AMDHD2: variants seen among roughly 807,000 people sequenced by gnomAD.
AMDHD2 encodes N-acetylglucosamine-6-phosphate deacetylase.
In AMDHD2, 24 loss-of-function variants were observed where a neutral mutation model predicts 41.8. The ratio of observed to expected loss-of-function variants is 0.57; its 90% confidence interval spans 0.42 to 0.81. AMDHD2 has a LOEUF of 0.81. AMDHD2 is among the 30% of genes least tolerant of loss of function. The pLI, the probability that AMDHD2 is intolerant of heterozygous loss-of-function variation, is 0.00. For synonymous variants in AMDHD2, 332 were observed against 255.5 expected, an observed-to-expected ratio of 1.30 and a Z score of -2.85; for missense variants, 540 against 588.5, an observed-to-expected ratio of 0.92 and a Z score of 0.85.
In AMDHD2 at chr16:2,521,864, G is replaced by A. The variant is rs541723067; in HGVS notation, c.360+741G>A. Among the ~76,000 whole-genome samples the A allele has an allele frequency of 1.2e-3, 180 of 146,006 alleles. 1 individual carries two copies. Among genetic ancestry groups the A allele is most frequent in the South Asian group, 2.2e-3 (10 of 4,628 alleles). ...AGTGGCACAATCTTGGCTCACTGCA[G>A]GCTCCGCCCCCCAGGGTTCACGCCA... On this transcript the variant is annotated intron_variant, in intron 3 of 10. Coordinates refer to ENST00000293971, the MANE Select transcript of AMDHD2 (RefSeq NM_001330449.2).
In AMDHD2 at chr16:2,521,111, G is replaced by A; in HGVS notation, c.348G>A (p.Glu116=). 1 of 1,585,908 alleles carries A rather than the reference G, an allele frequency of 6.3e-7. No homozygotes were observed. Among genetic ancestry groups the A allele is most frequent in the Non-Finnish European group, 8.6e-7 (1 of 1,160,892 alleles). ...CCACCCTGGTCACTTCCCCACCGGAGGTTTATCACAAGGTGAGGTGAGGCT... is the reference window on the plus strand; with the variant it reads ...CCACCCTGGTCACTTCCCCACCGGAAGTTTATCACAAGGTGAGGTGAGGCT... ...FCPTLVTSPP[E]VYHKVVPQIP... Residue 116 remains glutamate, a synonymous_variant, in exon 3 of 11, where the codon GAG becomes GAA. Transcript: ENST00000293971.
At position 2,530,913 on chromosome 16, in the gene AMDHD2, G is replaced by A. The variant is rs551569221; in HGVS notation, c.*1350G>A. 43 of 1,613,378 alleles carry A rather than the reference G, an allele frequency of 2.7e-5. No homozygotes were observed. The Admixed American group carries it at 2.8e-4, about 11-fold the overall frequency. ...TGCCTTGACGGCCGCGCACCCCTTA[G>A]GAAGTGGCTGTCCAGCGCCTGCCTG... On this transcript the variant is annotated 3_prime_UTR_variant, in exon 11 of 11. Coordinates refer to ENST00000293971, the MANE Select transcript of AMDHD2 (RefSeq NM_001330449.2).
At chr16:2,521,869 C>T (rs549973698) in intron 3 of AMDHD2, among the ~76,000 whole-genome samples, 6 of 151,044 alleles carry the variant, frequency 4.0e-5, no homozygotes, top group South Asian at 4.2e-4. Flanking sequence ...CTGCAGGCTC[C>T]GCCCCCCAGG....
In AMDHD2 at chr16:2,520,436, G is replaced by T; in HGVS notation, c.-23G>T. The T allele has an allele frequency of 1.6e-6, 2 of 1,227,112 alleles. No homozygotes were observed. The highest frequency in any genetic ancestry group is 2.0e-6 in the Non-Finnish European group (2 of 979,700). 76.0% of individuals were successfully genotyped at this position (1,227,112 alleles called of 1,614,324 possible). ...TTGGCCGCCGCGGGGCTCCGGAGCC[G>T]CTCGCTCCCGACACGGCTCACGATG... On this transcript the variant is annotated 5_prime_UTR_variant, in exon 1 of 11. Coordinates refer to ENST00000293971, the MANE Select transcript of AMDHD2 (RefSeq NM_001330449.2).
intron 3 of AMDHD2, among the ~76,000 whole-genome samples, chr16:2,522,608 C>A (rs1596991044): frequency 1.3e-5 from 2 of 151,704 alleles, no homozygotes; most frequent in Non-Finnish European, 2.9e-5. Flanking sequence ...ACCCAGGAGG[C>A]AGAGGTTGCA....
chr16:2,529,390 C>G lies in AMDHD2; in HGVS notation c.1142-85C>G. ...GTGTCCCTGGGCCTCAGTTTCCCCA[C>G]CAGCGTCGGGTTGTTGGGGAGCAGC... On this transcript the variant is annotated intron_variant, in intron 10 of 10. Coordinates refer to ENST00000293971, the MANE Select transcript of AMDHD2 (RefSeq NM_001330449.2). 2.5e-6 allele frequency: 4 copies of G among 1,577,402 alleles called. No homozygotes were observed. The South Asian group carries it at 4.5e-5, about 18-fold the overall frequency.
Position 2,531,016 on chromosome 16 carries a change from T to TA in AMDHD2, c.*1454dup. On this transcript the variant is annotated 3_prime_UTR_variant, in exon 11 of 11. Transcript: ENST00000293971. Reference sequence around the variant, plus strand: ...CAGGTGAGGTTCTCAGCCGATGTGTTAGAGGTTGAGCATCGCCTGTGCCCA... The same window carrying TA: ...CAGGTGAGGTTCTCAGCCGATGTGTTAAGAGGTTGAGCATCGCCTGTGCCCA... 6.2e-7 allele frequency: 1 copy of TA among 1,607,396 alleles called. No individual in the cohort carries two copies. The highest frequency in any genetic ancestry group is 8.5e-7 in the Non-Finnish European group (1 of 1,175,060).
At chr16:2,529,303 G>A (rs912703508) in intron 10 of AMDHD2, 172 bp from the exon 11 acceptor site, 3 of 1,159,030 alleles carry the variant, frequency 2.6e-6, no homozygotes, top group Admixed American at 4.6e-5. Context: ...GCAAGGGGTT[G>A]CAGGGAGCAT....
At position 2,528,979 on chromosome 16, in the gene AMDHD2, G is replaced by A; in HGVS notation, c.1040-15G>A. 1.3e-6 allele frequency: 2 copies of A among 1,564,890 alleles called. No individual in the cohort carries two copies. On this transcript the variant is annotated splice_polypyrimidine_tract_variant and intron_variant, in intron 9 of 10. Transcript: ENST00000293971. ...TGGGCTTGGGGACTGTCACCTAGCT[G>A]TGTCCCCCAAGCAGGCTGCAGCATG...
rs1239304288 is a variant in AMDHD2 at position 2,530,993 on chromosome 16, G to A, written c.*1430G>A. ...CAGGGCTCCCAGGCAGGGAGAGGCA[G>A]GTGAGGTTCTCAGCCGATGTGTTAG... On this transcript the variant is annotated 3_prime_UTR_variant, in exon 11 of 11. Coordinates refer to ENST00000293971, the MANE Select transcript of AMDHD2 (RefSeq NM_001330449.2). The A allele has an allele frequency of 3.7e-6, 6 of 1,613,204 alleles. No homozygotes were observed. The East Asian group carries it at 8.9e-5, about 24-fold the overall frequency.
rs765250393 is a variant in AMDHD2, at chr16:2,530,675, C to G, written c.*1112C>G. On this transcript the variant is annotated 3_prime_UTR_variant, in exon 11 of 11. Transcript: ENST00000293971. ...CCCAGTTAAGGAAATGTCTCCAGGT[C>G]CAAAGAGATAGGATGGTCTGGGCCC... The G allele has an allele frequency of 6.8e-6, 11 of 1,614,030 alleles. No individual in the cohort carries two copies. Among genetic ancestry groups the G allele is most frequent in the Non-Finnish European group, 9.3e-6 (11 of 1,180,030 alleles).
chr16:2,524,904 G>A (rs2065984321), intron 3 of AMDHD2, among the ~76,000 whole-genome samples: 1 of 151,404 alleles, frequency 6.6e-6, no homozygotes, highest in Admixed American at 6.6e-5. Context: ...ACCTGTGTAG[G>A]TCAGTCATCG....
chr16:2,522,031 G>A (rs937989117), intron 3 of AMDHD2, among the ~76,000 whole-genome samples: 10 of 152,104 alleles, frequency 6.6e-5, no homozygotes, highest in South Asian at 2.1e-4. Context: ...TGATCCGCCC[G>A]CCTTGGCCTC....
rs4072481 is a variant in AMDHD2 at position 2,520,376 on chromosome 16, A to T, written c.-83A>T. ...CTGAAGGTCACGTGGGCGCGGTCTC[A>T]GCTCTCGGCTGGGGTTCGTCACTGG... is the stretch of plus-strand genomic sequence containing the variant. On this transcript the variant is annotated 5_prime_UTR_variant, in exon 1 of 11. Coordinates refer to ENST00000293971, the MANE Select transcript of AMDHD2 (RefSeq NM_001330449.2). 4.5e-6 allele frequency: 5 copies of T among 1,121,132 alleles called. No homozygotes were observed. In the African/African-American group the frequency reaches 6.6e-5, roughly 15 times the overall value. The allele number at this position is 1,121,132 out of a possible 1,614,324, so 69.4% of individuals were successfully genotyped here. A position where few individuals can be genotyped will look rare whatever the true frequency, so the allele number is the denominator to read the frequency against.
rs2066092302 is a variant in AMDHD2, at chr16:2,531,244, G to A, written c.*1681G>A. ...GGGGAGGGGCTGGCAGAGATGGTTGGTCCACAGGGCTAGCCCTGGGTGGTG... is the reference window on the plus strand; with the variant it reads ...GGGGAGGGGCTGGCAGAGATGGTTGATCCACAGGGCTAGCCCTGGGTGGTG... On this transcript the variant is annotated 3_prime_UTR_variant, in exon 11 of 11. Coordinates refer to ENST00000293971, the MANE Select transcript of AMDHD2 (RefSeq NM_001330449.2). The A allele has an allele frequency of 2.4e-6, 2 of 836,584 alleles. No individual in the cohort carries two copies. Among genetic ancestry groups the A allele is most frequent in the African/African-American group, 3.5e-5 (2 of 57,654 alleles). 51.8% of individuals were successfully genotyped at this position (836,584 alleles called of 1,614,324 possible).
Position 2,529,802 on chromosome 16 carries a change from A to G in AMDHD2, c.*239A>G. ...CCTTGGTTGCCCTCCTGGAGAAGGC[A>G]TTCACGGCCTGGGGTGGGATGGCTG... On this transcript the variant is annotated 3_prime_UTR_variant, in exon 11 of 11. Transcript: ENST00000293971. 1 of 1,428,992 alleles carries G rather than the reference A, an allele frequency of 7.0e-7. No homozygotes were observed. The highest frequency in any genetic ancestry group is 9.1e-7 in the Non-Finnish European group (1 of 1,095,432). The allele number at this position is 1,428,992 out of a possible 1,614,324, so 88.5% of individuals were successfully genotyped here. A position where few individuals can be genotyped will look rare whatever the true frequency, so the allele number is the denominator to read the frequency against.
intron 1 of AMDHD2, 44 bp from the exon 2 acceptor site, chr16:2,520,725 G>C: frequency 6.7e-7 from 1 of 1,491,460 alleles, no homozygotes; most frequent in Non-Finnish European, 8.9e-7. Flanking sequence ...GTGCGGGGCC[G>C]AGGTCAGGCC....
Position 2,527,682 on chromosome 16 carries a change from A to G in AMDHD2, c.415+67A>G, listed in dbSNP as rs571012335. The G allele has an allele frequency of 7.0e-5, 110 of 1,563,542 alleles. No individual in the cohort carries two copies. The highest frequency in any genetic ancestry group is 1.9e-4 in the Middle Eastern group (1 of 5,344). ...CCTGCGGGACCTGTTGGCAGCCCCC[A>G]CCCCTCCAGATGCCCAGCTGGTGGG... On this transcript the variant is annotated intron_variant, in intron 4 of 10. Coordinates refer to ENST00000293971, the MANE Select transcript of AMDHD2 (RefSeq NM_001330449.2). The surrounding 1 kb of genome is among the most constrained non-coding windows in gnomAD (Gnocchi z 6.1).
intron 3 of AMDHD2, among the ~76,000 whole-genome samples, chr16:2,522,807 C>A (rs1197793720): frequency 6.6e-6 from 1 of 151,990 alleles, no homozygotes; most frequent in Non-Finnish European, 1.5e-5. Context: ...AGCCACTGTG[C>A]CTGGCCCATC....
Sources: allele counts gnomAD v4.1 joint callset (sites outside exome capture counted in the v4.1 genomes callset), GRCh38; gene constraint gnomAD v4.1.1; non-coding constraint Gnocchi (gnomAD v3.1); transcripts MANE v1.5; gene names NCBI Gene and HGNC (gene_info 2026-07-23, HGNC 2026-07-21).